ALG13: variants seen among roughly 807,000 people sequenced by gnomAD.
ALG13 encodes the protein ALG13 UDP-N-acetylglucosaminyltransferase subunit.
Under a neutral mutation model 87.8 loss-of-function variants are expected in ALG13, and 11 were observed. The ratio of observed to expected loss-of-function variants is 0.13; its 90% CI spans 0.08 to 0.21. The LOEUF is 0.21. Among genes scored for constraint, ALG13 ranks in the 10% least tolerant of loss-of-function variants. ALG13 has a pLI of 1.00. For missense variants in ALG13, 756 were observed against 866.1 expected, an observed-to-expected ratio of 0.87 and a Z score of 1.60; for synonymous variants, 320 against 306.3, an observed-to-expected ratio of 1.04 and a Z score of -0.47.
At chrX:111,732,575 G>A (rs1942814361) in intron 21 of ALG13, among the ~76,000 whole-genome samples, 1 of 111,599 alleles carries the variant, frequency 9.0e-6, no homozygotes, top group African/African-American at 3.3e-5. Flanking sequence ...CAAGTAACAT[G>A]GTCATTCTTG....
At chrX:111,738,574 T>C (rs1943452521) in intron 23 of ALG13, among the ~76,000 whole-genome samples, 1 of 111,873 alleles carries the variant, frequency 8.9e-6, no homozygotes, top group Non-Finnish European at 1.9e-5. Flanking sequence ...GGTATTGCTC[T>C]GTCACCAAGG....
At chrX:111,689,840 C>G in intron 3 of ALG13, 2 of 752,992 alleles carry the variant, frequency 2.7e-6, no homozygotes, top group Non-Finnish European at 3.1e-6. Flanking sequence ...TTTAGTTACT[C>G]GAATTCCTTG....
At chrX:111,733,579 C>T (rs1297712288) in intron 21 of ALG13, among the ~76,000 whole-genome samples, 3 of 111,739 alleles carry the variant, frequency 2.7e-5, no homozygotes, top group Non-Finnish European at 5.6e-5. Flanking sequence ...CTTGCGATTG[C>T]AAACTCTGCT....
At chrX:111,726,774 G>A in intron 15 of ALG13, 35 bp from the exon 16 acceptor site, 1 of 1,207,542 alleles carries the variant, frequency 8.3e-7, no homozygotes, top group South Asian at 1.8e-5. Context: ...CTTTGATTAT[G>A]AAGCTTATTT....
chrX:111,756,507 A>G (rs1418621112), intron 25 of ALG13, among the ~76,000 whole-genome samples: 1 of 112,145 alleles, frequency 8.9e-6, no homozygotes, highest in African/African-American at 3.2e-5. Context: ...TTGTAGAGGC[A>G]GGTGGGTACT....
At position 111,685,023 on chromosome X, in the gene ALG13, C is replaced by T. The variant is rs763113044; in HGVS notation, c.303C>T (p.Asn101=). The T allele has an allele frequency of 5.6e-5, 68 of 1,208,769 alleles. No homozygotes were observed. Among genetic ancestry groups the T allele is most frequent in the Non-Finnish European group, 7.3e-5 (65 of 894,324 alleles). The change falls in exon 3 of 27, where the codon AAC becomes AAT. Residue 101 remains asparagine, a synonymous_variant. Transcript: ENST00000394780. ...EKGKPLVVVI[N]EKLMNNHQLE... is the part of the protein sequence containing the mutation. ...GAAAGCCACTCGTAGTGGTTATAAACGAAAAGTTGATGAACAATCATCAGC... is the reference window on the plus strand; with the variant it reads ...GAAAGCCACTCGTAGTGGTTATAAATGAAAAGTTGATGAACAATCATCAGC...
intron 25 of ALG13, 95 bp from the exon 26 acceptor site, chrX:111,757,490 CTTA>C: frequency 1.6e-6 from 1 of 644,249 alleles, no homozygotes; most frequent in Non-Finnish European, 2.2e-6. Flanking sequence ...TGGCCCAATT[CTTA>C]TTTTTTTTTT....
intron 8 of ALG13, 120 bp downstream of exon 8, chrX:111,713,417 C>T: frequency 2.0e-6 from 1 of 493,514 alleles, no homozygotes; most frequent in Non-Finnish European, 3.4e-6. Flanking sequence ...TGACAGGTTT[C>T]TCTGTTACTA....
intron 19 of ALG13, among the ~76,000 whole-genome samples, 157 bp from the exon 20 acceptor site, chrX:111,730,238 A>G (rs1942525507): frequency 8.9e-6 from 1 of 112,417 alleles, no homozygotes; most frequent in African/African-American, 3.2e-5. Context: ...TCTGTTGACT[A>G]GTGTGAAAGC....
chrX:111,695,307 T>C (rs1936807067), intron 3 of ALG13, among the ~76,000 whole-genome samples: 1 of 111,138 alleles, frequency 9.0e-6, no homozygotes, highest in Non-Finnish European at 1.9e-5. Flanking sequence ...GTGGTTCAGC[T>C]GAGGTCGGGA....
At chrX:111,686,126 T>A (rs1269379055) in intron 3 of ALG13, 5 of 1,109,687 alleles carry the variant, frequency 4.5e-6, no homozygotes. Context: ...TACTTGTTTG[T>A]TTTCTATTAG....
At chrX:111,743,607 AAAGAT>A (rs1390709004) in intron 23 of ALG13, among the ~76,000 whole-genome samples, 15 of 111,792 alleles carry the variant, frequency 1.3e-4, no homozygotes, top group African/African-American at 4.9e-4. Context: ...TAAATGTACA[AAAGAT>A]AAGATGAGTA....
At position 111,681,993 on chromosome X, in the gene ALG13, C is replaced by T. The variant is rs1243436061; in HGVS notation, c.82-139C>T. On this transcript the variant is annotated intron_variant, in intron 1 of 26. Coordinates refer to ENST00000394780, the MANE Select transcript of ALG13 (RefSeq NM_001099922.3). Reference sequence around the variant, plus strand: ...CCGGACCAGAAAATAGTTTTGAAAACTAAGTGAAATCGGCCACAGATAGGC... The same window carrying T: ...CCGGACCAGAAAATAGTTTTGAAAATTAAGTGAAATCGGCCACAGATAGGC... 3.5e-6 allele frequency: 3 copies of T among 861,616 alleles called. No homozygotes were observed. The South Asian group carries it at 1.4e-4, about 39-fold the overall frequency. The allele number at this position is 861,616 out of a possible 1,213,427, so 71.0% of individuals were successfully genotyped here. A position where few individuals can be genotyped will look rare whatever the true frequency, so the allele number is the denominator to read the frequency against.
At chrX:111,720,453 G>T (rs916094526) in intron 11 of ALG13, among the ~76,000 whole-genome samples, 1 of 111,907 alleles carries the variant, frequency 8.9e-6, no homozygotes, top group African/African-American at 3.2e-5. Flanking sequence ...CCAATATTTA[G>T]TTTGTAATCA....
chrX:111,748,456 T>C (rs188951043), intron 24 of ALG13, among the ~76,000 whole-genome samples: 64 of 112,237 alleles, frequency 5.7e-4, no homozygotes, highest in Admixed American at 2.7e-3. Flanking sequence ...AGTGACCTTT[T>C]TGTGAAGTAT....
intron 2 of ALG13, among the ~76,000 whole-genome samples, chrX:111,683,542 T>A (rs1221432705): frequency 9.2e-6 from 1 of 108,536 alleles, no homozygotes; most frequent in Non-Finnish European, 1.9e-5. Flanking sequence ...TTTCACCGTG[T>A]TGCCCAGGCT....
intron 14 of ALG13, among the ~76,000 whole-genome samples, chrX:111,724,211 A>G (rs867328220): frequency 8.9e-6 from 1 of 112,349 alleles, no homozygotes; most frequent in Non-Finnish European, 1.9e-5. Context: ...CTCTGCCAGC[A>G]TGAAGATAAG....
chrX:111,757,718 A>C lies in ALG13; in HGVS notation c.3104A>C (p.Glu1035Ala), dbSNP rs1945396663. The C allele has an allele frequency of 1.7e-6, 2 of 1,208,269 alleles. No homozygotes were observed. The highest frequency in any genetic ancestry group is 3.5e-5 in the African/African-American group (2 of 56,966). The change falls in exon 26 of 27, where the codon GAG becomes GCG. Residue 1035 changes from glutamate to alanine, a missense_variant. Physicochemically the swap from Glu to Ala is moderately radical, Grantham distance 107 (BLOSUM62 -1). Transcript: ENST00000394780. ...VDQTVPQCYS[E>A]VRREDGIQAE... Reference sequence around the variant, plus strand: ...CAAACCGTTCCTCAATGCTACAGTGAGGTGAGGAGAGAAGATGGCATACAG... The same window carrying C: ...CAAACCGTTCCTCAATGCTACAGTGCGGTGAGGAGAGAAGATGGCATACAG...
intron 15 of ALG13, among the ~76,000 whole-genome samples, chrX:111,726,272 C>T (rs747556337): frequency 5.8e-4 from 50 of 86,410 alleles, no homozygotes; most frequent in Middle Eastern, 8.7e-3. Context: ...CTCACTCTGT[C>T]GCCCAGGCTG....
Sources: allele counts gnomAD v4.1 joint callset (sites outside exome capture counted in the v4.1 genomes callset), GRCh38; gene constraint gnomAD v4.1.1; transcripts MANE v1.5; gene names NCBI Gene and HGNC (gene_info 2026-07-23, HGNC 2026-07-21).